The following BRF1 variants were observed in gnomAD, a reference collection of about 807,000 sequenced individuals.
BRF1 encodes transcription factor IIIB 90 kDa subunit.
In BRF1, 59 loss-of-function variants were observed where a neutral mutation model predicts 81.7. That is an observed-to-expected ratio of 0.72 (90% confidence interval 0.59 to 0.90). The LOEUF (loss-of-function observed/expected upper bound fraction) is 0.90, where lower values mean the gene tolerates loss of function less well. Among genes scored for constraint, BRF1 ranks in the 40% least tolerant of loss-of-function variants. BRF1 has a pLI of 0.00. For synonymous variants in BRF1, 491 were observed against 395.6 expected (o/e 1.24, Z -2.86); for missense variants, 1,050 against 936.3 (o/e 1.12, Z -1.58).
At chr14:105,249,815 C>T in intron 5 of BRF1, 6 of 1,613,596 alleles carry the variant, frequency 3.7e-6, no homozygotes, top group Non-Finnish European at 5.1e-6. Flanking sequence ...GTTTGAGGAG[C>T]CCGAGCTGAC....
At chr14:105,228,761 C>G (rs1163101641) in intron 7 of BRF1, 59 bp downstream of exon 7, 5 of 1,591,742 alleles carry the variant, frequency 3.1e-6, no homozygotes, top group African/African-American at 2.7e-5. Flanking sequence ...GCAAGCAGGC[C>G]TGAGCTGGAC....
intron 1 of BRF1, among the ~76,000 whole-genome samples, chr14:105,313,802 G>C (rs949408207): frequency 6.6e-6 from 1 of 152,228 alleles, no homozygotes; most frequent in African/African-American, 2.4e-5. Context: ...CTAAATCTCG[G>C]CTTGGCATCT....
At chr14:105,281,920 C>T (rs1224807885) in intron 2 of BRF1, among the ~76,000 whole-genome samples, 2 of 151,978 alleles carry the variant, frequency 1.3e-5, no homozygotes, top group Non-Finnish European at 2.9e-5. Flanking sequence ...GCGTGCTATA[C>T]TAGGAAAAAC....
At position 105,226,308 on chromosome 14, in the gene BRF1, A is replaced by G. The variant is rs1302790763; in HGVS notation, c.916-18T>C. ...TGTTCAAGCTGAAAGGGAACAGGGC[A>G]AGAGGCTTCGTGAAGGGAGGCCCTG... is the stretch of plus-strand genomic sequence containing the variant. On this transcript the variant is annotated intron_variant, in intron 8 of 17. Transcript: ENST00000547530. 1.5e-5 allele frequency: 24 copies of G among 1,613,854 alleles called. No homozygotes were observed. Among genetic ancestry groups the G allele is most frequent in the Non-Finnish European group, 1.8e-5 (21 of 1,179,996 alleles).
At chr14:105,259,002 T>C (rs1259601515) in intron 3 of BRF1, among the ~76,000 whole-genome samples, 1 of 152,086 alleles carries the variant, frequency 6.6e-6, no homozygotes, top group Non-Finnish European at 1.5e-5. Context: ...CCGGCGAGGA[T>C]GTGGGGCAAG....
intron 1 of BRF1, among the ~76,000 whole-genome samples, chr14:105,306,148 A>T (rs1245478396): frequency 6.6e-6 from 1 of 152,180 alleles, no homozygotes; most frequent in African/African-American, 2.4e-5. Context: ...TAACACTTAG[A>T]CCAGGAAGGA....
At chr14:105,258,564 G>T (rs921828961) in intron 3 of BRF1, among the ~76,000 whole-genome samples, 4 of 150,844 alleles carry the variant, frequency 2.7e-5, no homozygotes, top group African/African-American at 9.8e-5. Context: ...TTGGGAGGCC[G>T]AGGTGGGAGG....
intron 1 of BRF1, chr14:105,314,286 G>A (rs1276214606): frequency 6.6e-6 from 1 of 151,848 alleles, no homozygotes; most frequent in Non-Finnish European, 1.5e-5. Context: ...GGGGCGGGGA[G>A]ACTCGGGGCA....
At chr14:105,240,888 C>T (rs948024162) in intron 6 of BRF1, among the ~76,000 whole-genome samples, 3 of 150,740 alleles carry the variant, frequency 2.0e-5, no homozygotes, top group Non-Finnish European at 4.4e-5. Context: ...AGCCCTGTGG[C>T]ACCCTCAGGA....
intron 6 of BRF1, among the ~76,000 whole-genome samples, chr14:105,240,884 G>T (rs587610226): frequency 1.3e-5 from 2 of 149,980 alleles, no homozygotes; most frequent in African/African-American, 4.9e-5. Flanking sequence ...TGGCAGCCCT[G>T]TGGCACCCTC....
intron 14 of BRF1, among the ~76,000 whole-genome samples, chr14:105,218,494 C>CGCAGGCAGG (rs1891699787): frequency 6.6e-6 from 1 of 152,316 alleles, no homozygotes; most frequent in East Asian, 1.9e-4. Flanking sequence ...ACCCCAGTCT[C>CGCAGGCAGG]GCAGGCAGGG....
rs1892763834 is a variant in BRF1 at position 105,224,353 on chromosome 14, A to T, written c.1048+1716T>A. On this transcript the variant is annotated intron_variant, in intron 10 of 17. Coordinates refer to ENST00000547530, the MANE Select transcript of BRF1 (RefSeq NM_001519.4). ...AACTGCACTCCAGCCTGGGTGACAG[A>T]GTGAGCCTGTCTCCAAAAAAAGAAA... Among the ~76,000 whole-genome samples, 5 of 152,190 alleles carry T rather than the reference A, an allele frequency of 3.3e-5. No individual in the cohort carries two copies. The South Asian group carries it at 1.0e-3, about 32-fold the overall frequency.
chr14:105,257,601 G>C (rs2055946905), intron 3 of BRF1, among the ~76,000 whole-genome samples: 3 of 152,228 alleles, frequency 2.0e-5, no homozygotes, highest in Admixed American at 2.0e-4. Flanking sequence ...AAGGCAGGCA[G>C]TCCCAGAGGG....
chr14:105,306,287 GTTTGTTTTGTTTTGT>G (rs202210208), intron 1 of BRF1, among the ~76,000 whole-genome samples: 3 of 151,382 alleles, frequency 2.0e-5, no homozygotes, highest in African/African-American at 7.3e-5. Flanking sequence ...TTGTTTTTGG[GTTTGTTTTGTTTTGT>G]TTTGTTTTGT....
At chr14:105,217,889 C>A (rs940748027) in intron 14 of BRF1, 89 bp from the exon 15 acceptor site, 3 of 1,549,846 alleles carry the variant, frequency 1.9e-6, no homozygotes, top group Non-Finnish European at 1.7e-6. Flanking sequence ...GGAGTGCAGG[C>A]GGGTGAGGCC....
At chr14:105,280,828 G>C (rs1188754763) in intron 2 of BRF1, among the ~76,000 whole-genome samples, 1 of 151,264 alleles carries the variant, frequency 6.6e-6, no homozygotes, top group East Asian at 2.0e-4. Context: ...CAGGTGTGCA[G>C]GTGGAGGCTG....
At position 105,241,281 on chromosome 14, in the gene BRF1, C is replaced by T. The variant is rs587708306; in HGVS notation, c.678G>A (p.Ser226=). ...CCGCTGTACCTGCTCCGCAGAGGCC[C>T]GAGGGGCGCCGGCCTGTGTGCATCC... ...RDWMHTGRRP[S]GLCGAALLVA... is the part of the protein sequence containing the mutation. The change falls in exon 6 of 18, where the codon TCG becomes TCA. Residue 226 remains serine (S), a synonymous_variant. Coordinates refer to ENST00000547530, the MANE Select transcript of BRF1 (RefSeq NM_001519.4). 9 of 1,611,996 alleles carry T rather than the reference C, an allele frequency of 5.6e-6. No individual in the cohort carries two copies. The highest frequency in any genetic ancestry group is 4.2e-6 in the Non-Finnish European group (5 of 1,179,792).
rs2054655973 is a variant in BRF1, at chr14:105,241,636, C to T, written c.545-222G>A. 7 of 618,724 alleles carry T rather than the reference C, an allele frequency of 1.1e-5. No homozygotes were observed. The South Asian group carries it at 1.3e-4, about 12-fold the overall frequency. The allele number at this position is 618,724 out of a possible 1,614,324, so 38.3% of individuals were successfully genotyped here. On this transcript the variant is annotated intron_variant, in intron 5 of 17. Transcript: ENST00000547530. Reference sequence around the variant, plus strand: ...TGGCCACCTGCTGCCAGCCAGCCTGCTGCAGACACGCTAGGGCCAGGCAGC... The same window carrying T: ...TGGCCACCTGCTGCCAGCCAGCCTGTTGCAGACACGCTAGGGCCAGGCAGC...
chr14:105,290,968 G>A (rs769238914), intron 1 of BRF1, among the ~76,000 whole-genome samples: 2 of 152,124 alleles, frequency 1.3e-5, no homozygotes, highest in Non-Finnish European at 2.9e-5. Context: ...CTAACCCACA[G>A]GGAGGATGAA....
Sources: gnomAD v4.1 joint callset for allele counts (sites outside exome capture counted in the v4.1 genomes callset) on GRCh38, gnomAD v4.1.1 for gene constraint, MANE v1.5 for transcripts, NCBI Gene and HGNC (gene_info 2026-07-23, HGNC 2026-07-21) for gene names.